The following MFSD11 variants were observed in gnomAD, a reference collection of about 807,000 sequenced individuals.
MFSD11 encodes the protein UNC93-like protein MFSD11.
In MFSD11, 36 loss-of-function variants were observed where a neutral mutation model predicts 53.5. The ratio of observed to expected loss-of-function variants is 0.67; its 90% CI spans 0.52 to 0.89. The LOEUF (loss-of-function observed/expected upper bound fraction) is 0.89. MFSD11 is among the 40% of genes least tolerant of loss of function. The pLI is 0.00. For synonymous variants in MFSD11, 186 were observed against 184.9 expected (o/e 1.01, Z -0.05); for missense variants, 530 against 543.9 (o/e 0.97, Z 0.25).
chr17:76,737,351 G>T, upstream of MFSD11: 7 of 713,110 alleles, frequency 9.8e-6, no homozygotes, highest in Non-Finnish European at 1.5e-5. Flanking sequence ...GCCGGCCTCT[G>T]CGCCCGTTTA....
At chr17:76,777,125 G>T (rs1320881004) in intron 12 of MFSD11, among the ~76,000 whole-genome samples, 1 of 152,054 alleles carries the variant, frequency 6.6e-6, no homozygotes, top group East Asian at 1.9e-4. Flanking sequence ...AAAATTAGCC[G>T]GGCGTGGTGG....
downstream of MFSD11, among the ~76,000 whole-genome samples, chr17:76,780,122 A>G (rs2082121372): frequency 6.6e-6 from 1 of 152,140 alleles, no homozygotes; most frequent in Non-Finnish European, 1.5e-5. Flanking sequence ...AACCATAAAA[A>G]TGTCCCATTT....
At chr17:76,789,183 G>A in the MFSD11 span, among the ~76,000 whole-genome samples, 1 of 149,932 alleles carries the variant, frequency 6.7e-6, no homozygotes, top group South Asian at 2.2e-4. Flanking sequence ...AGGAATGAAA[G>A]GAAGCAAAGT....
chr17:76,754,222 A>G (rs2079349187), intron 8 of MFSD11, 135 bp downstream of exon 8: 3 of 651,784 alleles, frequency 4.6e-6, no homozygotes, highest in East Asian at 2.8e-5. Flanking sequence ...GCTCTGAAAT[A>G]TATTGATCTT....
chr17:76,765,452 CTTTTTTTTTTTT>C (rs59878271), intron 8 of MFSD11, among the ~76,000 whole-genome samples: 10 of 91,498 alleles, frequency 1.1e-4, no homozygotes, highest in South Asian at 3.4e-4. Context: ...CTTGAATTTC[CTTTTTTTTTTTT>C]TTTTTTTTTT....
At position 76,738,330 on chromosome 17, in the gene MFSD11, G is replaced by T; in HGVS notation, c.-23G>T. The T allele has an allele frequency of 6.3e-7, 1 of 1,578,982 alleles. No individual in the cohort carries two copies. The highest frequency in any genetic ancestry group is 2.2e-5 in the East Asian group (1 of 44,712). ...GGAGAGCTGACTGCCCTGGGCTGCTGCCTCCGGCAGAGCTGAGCCAAAATG... is the reference window on the plus strand; with the variant it reads ...GGAGAGCTGACTGCCCTGGGCTGCTTCCTCCGGCAGAGCTGAGCCAAAATG... On this transcript the variant is annotated 5_prime_UTR_variant, in exon 1 of 13. Coordinates refer to ENST00000685175, the MANE Select transcript of MFSD11 (RefSeq NM_001242532.5).
rs888804464 is a variant in MFSD11 at position 76,776,607 on chromosome 17, C to T, written c.1185+66C>T. On this transcript the variant is annotated intron_variant, in intron 12 of 12. Coordinates refer to ENST00000685175, the MANE Select transcript of MFSD11 (RefSeq NM_001242532.5). The surrounding 1 kb of genome is among the most constrained non-coding windows in gnomAD (Gnocchi z 4.2). The stretch of plus-strand genomic sequence containing the variant: ...TTCCCTTTGTGTATTGCCTTGTTTT[C>T]CTTGGTTACTTGTATTGTGGTTTTA... 6.9e-6 allele frequency: 10 copies of T among 1,441,012 alleles called. No individual in the cohort carries two copies. The highest frequency in any genetic ancestry group is 2.3e-5 in the Admixed American group (1 of 42,644). The allele number at this position is 1,441,012 out of a possible 1,614,324, so 89.3% of individuals were successfully genotyped here.
chr17:76,796,537 A>G, the MFSD11 span, among the ~76,000 whole-genome samples: 1 of 152,158 alleles, frequency 6.6e-6, no homozygotes, highest in East Asian at 1.9e-4. Context: ...TGGGTGTTCA[A>G]CAATTCAGTT....
chr17:76,736,809 G>C, upstream of MFSD11: 1 of 1,576,390 alleles, frequency 6.3e-7, no homozygotes, highest in Non-Finnish European at 8.6e-7. Flanking sequence ...CTGCGGCTCC[G>C]GCGTCCGTAG....
intron 8 of MFSD11, among the ~76,000 whole-genome samples, chr17:76,756,068 C>T (rs1451651108): frequency 1.3e-5 from 2 of 150,870 alleles, no homozygotes; most frequent in Non-Finnish European, 3.0e-5. Context: ...AGGTGATCCA[C>T]CCGCCTTGGC....
intron 8 of MFSD11, among the ~76,000 whole-genome samples, chr17:76,755,814 T>TATATA (rs1598612525): frequency 6.1e-3 from 47 of 7,754 alleles, no homozygotes; most frequent in Non-Finnish European, 8.9e-3. Context: ...ATATATATAT[T>TATATA]TTTTTTTTTT....
intron 8 of MFSD11, among the ~76,000 whole-genome samples, chr17:76,764,942 C>G (rs1192040462): frequency 6.6e-6 from 1 of 152,140 alleles, no homozygotes; most frequent in Non-Finnish European, 1.5e-5. Flanking sequence ...TACCTTTTGT[C>G]TTTTTGATAA....
intron 11 of MFSD11, 67 bp downstream of exon 11, chr17:76,775,238 AAAG>A: frequency 6.9e-7 from 1 of 1,455,340 alleles, no homozygotes. Flanking sequence ...CTAGATACTG[AAAG>A]TGGAGCAGTT....
Position 76,769,889 on chromosome 17 carries a change from G to C in MFSD11, c.874+18G>C, listed in dbSNP as rs375330315. Reference sequence around the variant, plus strand: ...AATTTTAGGTTGGTTTTAAAAAAAAGCGTTTGCATTAAAAATATCAGTTTA... The same window carrying C: ...AATTTTAGGTTGGTTTTAAAAAAAACCGTTTGCATTAAAAATATCAGTTTA... On this transcript the variant is annotated intron_variant, in intron 10 of 12. Transcript: ENST00000685175. 1.1e-5 allele frequency: 17 copies of C among 1,600,962 alleles called. No individual in the cohort carries two copies. Among genetic ancestry groups the C allele is most frequent in the Admixed American group, 3.5e-5 (2 of 56,414 alleles).
rs541167072 is a variant in MFSD11, at chr17:76,770,392, A to G, written c.874+521A>G. On this transcript the variant is annotated intron_variant, in intron 10 of 12. Coordinates refer to ENST00000685175, the MANE Select transcript of MFSD11 (RefSeq NM_001242532.5). ...ATAAAACATTTGCAAAATAATTCAC[A>G]GATGGAAACCCTGTGTAAGAAAACA... Among the ~76,000 whole-genome samples the G allele has an allele frequency of 7.9e-4, 120 of 152,312 alleles. No homozygotes were observed. The South Asian group carries it at 0.013, about 16-fold the overall frequency.
rs1037399915 is a variant in MFSD11 at position 76,776,689 on chromosome 17, G to A, written c.1185+148G>A. ...AGAGTCTCTCTCTGTCACTCAGGCTGGAGTGCAGTAGCGCAATCTTGACTC... is the reference window on the plus strand; with the variant it reads ...AGAGTCTCTCTCTGTCACTCAGGCTAGAGTGCAGTAGCGCAATCTTGACTC... On this transcript the variant is annotated intron_variant, in intron 12 of 12. Coordinates refer to ENST00000685175, the MANE Select transcript of MFSD11 (RefSeq NM_001242532.5). The surrounding 1 kb of genome is among the most constrained non-coding windows in gnomAD (Gnocchi z 4.2). 7 of 788,818 alleles carry A rather than the reference G, an allele frequency of 8.9e-6. No individual in the cohort carries two copies. The African/African-American group carries it at 1.1e-4, about 12-fold the overall frequency. 48.9% of individuals were successfully genotyped at this position (788,818 alleles called of 1,614,324 possible). A position where few individuals can be genotyped will look rare whatever the true frequency, so the allele number is the denominator to read the frequency against.
At chr17:76,737,859 G>A (rs573351710), upstream of MFSD11, 10 of 164,932 alleles carry the variant, frequency 6.1e-5, no homozygotes, top group East Asian at 1.7e-3. Flanking sequence ...GAGCCCGAGA[G>A]CTCCGTCGGC....
At chr17:76,755,782 G>GTATACATATA (rs1234863900) in intron 8 of MFSD11, among the ~76,000 whole-genome samples, 1,823 of 28,840 alleles carry the variant, frequency 0.063, 361 homozygotes, top group Non-Finnish European at 0.13. Flanking sequence ...GTGTGTGTGT[G>GTATACATATA]TGTGTATACA....
At chr17:76,743,017 T>TA (rs1440169215) in intron 5 of MFSD11, among the ~76,000 whole-genome samples, 1 of 152,342 alleles carries the variant, frequency 6.6e-6, no homozygotes, top group African/African-American at 2.4e-5. Flanking sequence ...CTAAAGAAAG[T>TA]ATTTGATTAG....
Sources: allele counts gnomAD v4.1 joint callset (sites outside exome capture counted in the v4.1 genomes callset), GRCh38; gene constraint gnomAD v4.1.1; non-coding constraint Gnocchi (gnomAD v3.1); transcripts MANE v1.5; gene names NCBI Gene and HGNC (gene_info 2026-07-23, HGNC 2026-07-21).